The following CNTN5 variants were observed in gnomAD, a reference collection of about 807,000 sequenced individuals.
The protein encoded by CNTN5 is contactin-5.
A neutral mutation model predicts 129.1 loss-of-function variants in CNTN5; 77 were observed. That is an observed-to-expected ratio of 0.60 (90% confidence interval 0.50 to 0.72). CNTN5 has a LOEUF of 0.72. Among genes scored for constraint, CNTN5 ranks in the 30% least tolerant of loss-of-function variants. The pLI, the probability that CNTN5 is intolerant of heterozygous loss-of-function variation, is 0.00. For missense variants in CNTN5, 1,478 were observed against 1,328.8 expected (o/e 1.11, Z -1.75); for synonymous variants, 509 against 465.6 (o/e 1.09, Z -1.20).
intron 18 of CNTN5, among the ~76,000 whole-genome samples, chr11:100,292,301 G>T (rs1951004281): frequency 6.6e-6 from 1 of 151,914 alleles, no homozygotes; most frequent in Non-Finnish European, 1.5e-5. Flanking sequence ...TCTCTCATGG[G>T]GTGCATTGAG....
At chr11:99,042,968 AG>A (rs1318808300) in intron 1 of CNTN5, among the ~76,000 whole-genome samples, 8 of 152,296 alleles carry the variant, frequency 5.3e-5, no homozygotes, top group Middle Eastern at 3.4e-3. Flanking sequence ...CTTTGTTGTC[AG>A]GCTCAAATTA....
At chr11:100,231,372 G>A (rs886190882) in intron 16 of CNTN5, among the ~76,000 whole-genome samples, 7 of 152,124 alleles carry the variant, frequency 4.6e-5, no homozygotes, top group African/African-American at 1.7e-4. Context: ...GAGACAGGAA[G>A]GGGTGTGTAT....
At chr11:99,919,510 A>G (rs768014629) in intron 7 of CNTN5, among the ~76,000 whole-genome samples, 1 of 151,970 alleles carries the variant, frequency 6.6e-6, no homozygotes, top group Non-Finnish European at 1.5e-5. Flanking sequence ...TATATACTCT[A>G]TCCAATTCTA....
intron 2 of CNTN5, among the ~76,000 whole-genome samples, chr11:99,375,450 G>C (rs1208722672): frequency 1.3e-5 from 2 of 151,954 alleles, no homozygotes; most frequent in African/African-American, 4.8e-5. Flanking sequence ...AAGTTAGAGA[G>C]TATAGTCAGG....
At chr11:100,260,125 C>T (rs1950166297) in intron 17 of CNTN5, among the ~76,000 whole-genome samples, 1 of 152,048 alleles carries the variant, frequency 6.6e-6, no homozygotes, top group African/African-American at 2.4e-5. Flanking sequence ...CACTACTGAT[C>T]CCACAGAAAT....
At chr11:99,432,953 T>C (rs1410496131) in intron 2 of CNTN5, among the ~76,000 whole-genome samples, 1 of 147,346 alleles carries the variant, frequency 6.8e-6, no homozygotes. Context: ...AGGCAGTAGC[T>C]AGATGGTAAA....
chr11:99,026,578 T>G (rs1863114632), intron 1 of CNTN5, among the ~76,000 whole-genome samples: 1 of 151,550 alleles, frequency 6.6e-6, no homozygotes, highest in Non-Finnish European at 1.5e-5. Context: ...AGCACAAATC[T>G]CATGATTTAT....
intron 13 of CNTN5, among the ~76,000 whole-genome samples, chr11:100,096,177 T>A (rs914615863): frequency 1.3e-5 from 2 of 152,102 alleles, no homozygotes; most frequent in African/African-American, 4.8e-5. Flanking sequence ...TATTTTTCAC[T>A]GGGCCCCACA....
chr11:99,543,396 T>C (rs1453719525), intron 2 of CNTN5, among the ~76,000 whole-genome samples: 1 of 152,192 alleles, frequency 6.6e-6, no homozygotes, highest in Non-Finnish European at 1.5e-5. Context: ...TTAAGGTATC[T>C]GTCAAGTGGA....
intron 1 of CNTN5, among the ~76,000 whole-genome samples, chr11:99,139,814 A>G (rs1443376081): frequency 6.6e-6 from 1 of 152,174 alleles, no homozygotes; most frequent in African/African-American, 2.4e-5. Flanking sequence ...TGATTTTAAA[A>G]ACTTTCTGTC....
chr11:99,142,316 G>A (rs201072303), intron 1 of CNTN5, among the ~76,000 whole-genome samples: 6 of 151,772 alleles, frequency 4.0e-5, no homozygotes, highest in African/African-American at 1.2e-4. Flanking sequence ...GTGGTGGCGA[G>A]GTCTGTGTGT....
chr11:99,255,277 A>C (rs1862318133), intron 1 of CNTN5, among the ~76,000 whole-genome samples: 1 of 151,796 alleles, frequency 6.6e-6, no homozygotes, highest in Non-Finnish European at 1.5e-5. Flanking sequence ...GATGAATAGT[A>C]ATTAAGCATA....
intron 10 of CNTN5, among the ~76,000 whole-genome samples, chr11:100,069,628 G>A (rs1439473281): frequency 6.6e-6 from 1 of 151,978 alleles, no homozygotes; most frequent in Non-Finnish European, 1.5e-5. Context: ...ACATATAAAT[G>A]AATGAATGAT....
chr11:100,339,536 G>T (rs1406661913), intron 21 of CNTN5, among the ~76,000 whole-genome samples: 4 of 152,082 alleles, frequency 2.6e-5, no homozygotes, highest in African/African-American at 7.2e-5. Context: ...TTGGTAAAAA[G>T]GCATTATTCA....
chr11:99,382,237 G>A (rs1435239122), intron 2 of CNTN5, among the ~76,000 whole-genome samples: 3 of 152,094 alleles, frequency 2.0e-5, no homozygotes, highest in South Asian at 2.1e-4. Flanking sequence ...TACCCTAGAG[G>A]AAGCATAGAT....
At chr11:99,325,674 A>G (rs913473554) in intron 2 of CNTN5, among the ~76,000 whole-genome samples, 190 bp downstream of exon 2, 2 of 152,240 alleles carry the variant, frequency 1.3e-5, no homozygotes, top group African/African-American at 2.4e-5. Flanking sequence ...AGTAACATAA[A>G]TGCTCTATAA....
At chr11:99,929,833 A>G (rs2165822) in intron 7 of CNTN5, among the ~76,000 whole-genome samples, 44 of 152,308 alleles carry the variant, frequency 2.9e-4, no homozygotes, top group African/African-American at 1.0e-3. Flanking sequence ...AAGTCTGAAC[A>G]GGGTCCTTGG....
At chr11:100,115,883 G>T (rs952931685) in intron 13 of CNTN5, among the ~76,000 whole-genome samples, 1 of 151,928 alleles carries the variant, frequency 6.6e-6, no homozygotes, top group South Asian at 2.1e-4. Context: ...GCCCAGTGAG[G>T]TGTGCATGAA....
chr11:99,718,720 CTATT>C (rs1169190072), intron 3 of CNTN5, among the ~76,000 whole-genome samples: 2 of 152,084 alleles, frequency 1.3e-5, no homozygotes, highest in Non-Finnish European at 2.9e-5. Context: ...ATTTTAGTCT[CTATT>C]TACTGACATC....
Sources: gnomAD v4.1 joint callset for allele counts (sites outside exome capture counted in the v4.1 genomes callset) on GRCh38, gnomAD v4.1.1 for gene constraint, MANE v1.5 for transcripts, NCBI Gene and HGNC (gene_info 2026-07-23, HGNC 2026-07-21) for gene names.